Variants in POLQ observed in about 807,000 individuals in gnomAD.
POLQ encodes the protein epididymis secretory sperm binding protein.
A neutral mutation model predicts 259.2 loss-of-function variants in POLQ; 233 were observed. That is an observed-to-expected ratio of 0.90 (90% CI 0.81 to 1.00). POLQ has a LOEUF of 1.00. Among genes scored for constraint, POLQ ranks in the 50% least tolerant of loss-of-function variants. The pLI is 0.00. For missense variants in POLQ, 2,871 were observed against 3,051.6 expected (o/e 0.94, Z 1.39); for synonymous variants, 1,025 against 1,048.8 (o/e 0.98, Z 0.44).
chr3:121,517,447 G>A lies in POLQ; in HGVS notation c.1468+2424C>T, dbSNP rs192755906. Among the ~76,000 whole-genome samples, 550 of 152,066 alleles carry A rather than the reference G, an allele frequency of 3.6e-3. 2 individuals carry two copies. Among genetic ancestry groups the A allele is most frequent in the African/African-American group, 0.013 (525 of 41,482 alleles). ...CCAATGCCCTTCAGGGATTGTAAAT[G>A]GGTCATTTATTACTGGTGCTGAGAC... On this transcript the variant is annotated intron_variant, in intron 9 of 29. Transcript: ENST00000264233.
intron 25 of POLQ, among the ~76,000 whole-genome samples, chr3:121,458,337 T>A (rs999387851): frequency 6.6e-6 from 1 of 152,030 alleles, no homozygotes; most frequent in African/African-American, 2.4e-5. Flanking sequence ...TATACATATG[T>A]AACTAACCTG....
Position 121,529,754 on chromosome 3 carries a change from C to A in POLQ, c.999G>T (p.Thr333=), listed in dbSNP as rs770350964. The A allele has an allele frequency of 8.1e-6, 13 of 1,611,772 alleles. No individual in the cohort carries two copies. The highest frequency in any genetic ancestry group is 3.3e-4 in the Middle Eastern group (2 of 6,078). The change falls in exon 7 of 30, where the codon ACG becomes ACT. Residue 333 remains threonine, a synonymous_variant. Coordinates refer to ENST00000264233, the MANE Select transcript of POLQ (RefSeq NM_199420.4). ...GTAATACTGAATGGTTATCACAAAT[C>A]GTCTCATAACATAAACTAACAACAT... The part of the protein sequence containing the change: ...EDHVVSLCYE[T]ICDNHSVLLF...
chr3:121,492,418 A>C (rs1437906328), intron 15 of POLQ, among the ~76,000 whole-genome samples: 1 of 152,194 alleles, frequency 6.6e-6, no homozygotes, highest in Non-Finnish European at 1.5e-5. Context: ...CATACACACA[A>C]AAAAATAATC....
At chr3:121,501,592 G>A (rs1257975641) in intron 12 of POLQ, among the ~76,000 whole-genome samples, 9 of 147,958 alleles carry the variant, frequency 6.1e-5, no homozygotes, top group African/African-American at 2.2e-4. Flanking sequence ...AACCCGGGAG[G>A]CGGAGCTTGC....
At chr3:121,500,302 G>A (rs540079446) in intron 12 of POLQ, among the ~76,000 whole-genome samples, 1 of 148,684 alleles carries the variant, frequency 6.7e-6, no homozygotes, top group South Asian at 2.1e-4. Flanking sequence ...AAAAAAAAGT[G>A]CAGTAACTAA....
chr3:121,539,636 CAA>C, intron 3 of POLQ, 47 bp from the exon 4 acceptor site: 3 of 1,468,796 alleles, frequency 2.0e-6, no homozygotes, highest in Non-Finnish European at 2.8e-6. Context: ...ACTTGAAATT[CAA>C]GAGTTATAAA....
At chr3:121,434,170 C>T (rs1184962066) in intron 28 of POLQ, among the ~76,000 whole-genome samples, 2 of 152,206 alleles carry the variant, frequency 1.3e-5, no homozygotes, top group Admixed American at 6.5e-5. Flanking sequence ...GGCTTCTGAC[C>T]TAGAATGCCA....
At position 121,460,212 on chromosome 3, in the gene POLQ, G is replaced by T; in HGVS notation, c.6990C>A (p.Asp2330Glu). 1 of 1,613,126 alleles carries T rather than the reference G, an allele frequency of 6.2e-7. No homozygotes were observed. Among genetic ancestry groups the T allele is most frequent in the East Asian group, 2.2e-5 (1 of 44,870 alleles). The change falls in exon 25 of 30, where the codon GAC (aspartate) becomes GAA (glutamate). Residue 2330 changes from aspartate to glutamate, a missense_variant. Coordinates refer to ENST00000264233, the MANE Select transcript of POLQ (RefSeq NM_199420.4). ...PFPGGSILAA[D>E]YSQLELRILA... ...AGATCCTCAGTTCAAGCTGAGAGTA[G>T]TCAGCAGCCAGTATTGAACCACCTG...
chr3:121,484,464 T>C (rs2047994265), intron 17 of POLQ, among the ~76,000 whole-genome samples: 1 of 152,216 alleles, frequency 6.6e-6, no homozygotes, highest in Non-Finnish European at 1.5e-5. Flanking sequence ...AGAGAGTCCC[T>C]GAGTCTTCAC....
At chr3:121,439,882 C>CA in intron 27 of POLQ, 110 bp downstream of exon 27, 1 of 962,852 alleles carries the variant, frequency 1.0e-6, no homozygotes, top group Non-Finnish European at 1.6e-6. Context: ...ACAGAAAATC[C>CA]AATTAATATG....
intron 9 of POLQ, 66 bp downstream of exon 9, chr3:121,519,805 T>C (rs2048325096): frequency 1.3e-5 from 11 of 866,614 alleles, no homozygotes; most frequent in Admixed American, 3.5e-5. Context: ...TGCCAGACAC[T>C]AGTCAAATTT....
At chr3:121,522,536 C>A (rs1433178088) in intron 7 of POLQ, among the ~76,000 whole-genome samples, 1 of 151,276 alleles carries the variant, frequency 6.6e-6, no homozygotes, top group Non-Finnish European at 1.5e-5. Context: ...TGGTCTCGAT[C>A]TCCTGACCTC....
At chr3:121,432,540 C>A in intron 29 of POLQ, 123 bp from the exon 30 acceptor site, 4 of 848,150 alleles carry the variant, frequency 4.7e-6, no homozygotes, top group Non-Finnish European at 5.1e-6. Flanking sequence ...AATGCTAAAT[C>A]AGAAAAAATA....
chr3:121,482,880 C>T (rs1385131429), intron 18 of POLQ, among the ~76,000 whole-genome samples: 3 of 152,146 alleles, frequency 2.0e-5, no homozygotes, highest in Non-Finnish European at 4.4e-5. Flanking sequence ...TTAACTGAGT[C>T]ATCATTACGA....
chr3:121,518,759 G>GTTTT (rs34676502), intron 9 of POLQ, among the ~76,000 whole-genome samples: 6 of 150,050 alleles, frequency 4.0e-5, no homozygotes, highest in Non-Finnish European at 8.9e-5. Context: ...TGCCTGTTTT[G>GTTTT]TTTTTTTTTG....
At position 121,460,047 on chromosome 3, in the gene POLQ, C is replaced by A; in HGVS notation, c.7152+3G>T. On this transcript the variant is annotated splice_donor_region_variant and intron_variant, in intron 25 of 29. Coordinates refer to ENST00000264233, the MANE Select transcript of POLQ (RefSeq NM_199420.4). Reference sequence around the variant, plus strand: ...TTATATTAACCATGTTCACTAAAATCACCTGTTTTGCCTGCTGCCTCAGAT... The same window carrying A: ...TTATATTAACCATGTTCACTAAAATAACCTGTTTTGCCTGCTGCCTCAGAT... 1 of 1,610,248 alleles carries A rather than the reference C, an allele frequency of 6.2e-7. No individual in the cohort carries two copies. Among genetic ancestry groups the A allele is most frequent in the Non-Finnish European group, 8.5e-7 (1 of 1,176,730 alleles).
At chr3:121,441,882 C>T (rs2047595362) in intron 26 of POLQ, among the ~76,000 whole-genome samples, 1 of 152,136 alleles carries the variant, frequency 6.6e-6, no homozygotes, top group East Asian at 1.9e-4. Flanking sequence ...TTAATATTGG[C>T]CATTCTAGTG....
Position 121,528,436 on chromosome 3 carries a change from C to T in POLQ, c.1108+1209G>A, listed in dbSNP as rs146238520. The stretch of plus-strand genomic sequence containing the variant: ...TCAGCTCACTGCAACCTCTGCCTCC[C>T]GGGTTCAAGTGATTCTCCCACCTCA... On this transcript the variant is annotated intron_variant, in intron 7 of 29. Coordinates refer to ENST00000264233, the MANE Select transcript of POLQ (RefSeq NM_199420.4). Among the ~76,000 whole-genome samples the T allele has an allele frequency of 3.3e-3, 495 of 151,822 alleles. 2 individuals are homozygous for T. Among genetic ancestry groups the T allele is most frequent in the Non-Finnish European group, 2.0e-3 (139 of 67,914 alleles).
intron 24 of POLQ, among the ~76,000 whole-genome samples, chr3:121,466,152 C>A (rs1026876554): frequency 6.6e-6 from 1 of 151,788 alleles, no homozygotes; most frequent in African/African-American, 2.4e-5. Flanking sequence ...AAAATGAAAC[C>A]AGCCACAACA....
Sources: allele counts gnomAD v4.1 joint callset (sites outside exome capture counted in the v4.1 genomes callset), GRCh38; gene constraint gnomAD v4.1.1; transcripts MANE v1.5; gene names NCBI Gene and HGNC (gene_info 2026-07-23, HGNC 2026-07-21).